The following SBF2 variants were observed in gnomAD, a reference collection of about 807,000 sequenced individuals.
SBF2 encodes the protein SET binding factor 2, also known as myotubularin-related protein 13.
In SBF2, 112 loss-of-function variants were observed where a neutral mutation model predicts 225.2. The ratio of observed to expected loss-of-function variants is 0.50; its 90% CI spans 0.43 to 0.58. The LOEUF (loss-of-function observed/expected upper bound fraction) is 0.58, where lower values mean the gene tolerates loss of function less well. Ranked by LOEUF, SBF2 falls within the 20% of genes least tolerant of loss-of-function variation. The pLI is 0.00. For synonymous variants in SBF2, 763 were observed against 773.3 expected, an observed-to-expected ratio of 0.99 and a Z score of 0.22; for missense variants, 1,996 against 2,206.2, an observed-to-expected ratio of 0.90 and a Z score of 1.91.
intron 2 of SBF2, among the ~76,000 whole-genome samples, chr11:10,120,253 T>C (rs888303546): frequency 3.3e-5 from 5 of 152,230 alleles, no homozygotes; most frequent in African/African-American, 1.2e-4. Flanking sequence ...TGTTATAGCA[T>C]GTAATAGGAT....
At chr11:10,025,812 G>A (rs1949032873) in intron 6 of SBF2, among the ~76,000 whole-genome samples, 1 of 152,100 alleles carries the variant, frequency 6.6e-6, no homozygotes, top group African/African-American at 2.4e-5. Context: ...TGTTGGCCAG[G>A]CTGGTCTCGA....
At chr11:9,791,426 A>AT (rs1237280786) in intron 33 of SBF2, among the ~76,000 whole-genome samples, 1 of 150,480 alleles carries the variant, frequency 6.6e-6, no homozygotes, top group African/African-American at 2.4e-5. Flanking sequence ...TTTATCAAAA[A>AT]AAAAAAAAAA....
At chr11:9,983,496 C>T (rs1267076635) in intron 13 of SBF2, among the ~76,000 whole-genome samples, 1 of 152,166 alleles carries the variant, frequency 6.6e-6, no homozygotes, top group Admixed American at 6.5e-5. Flanking sequence ...CCCTATCCAC[C>T]CTGGTAGCAG....
intron 25 of SBF2, among the ~76,000 whole-genome samples, chr11:9,841,697 T>C (rs1040273298): frequency 1.3e-5 from 2 of 152,122 alleles, no homozygotes; most frequent in African/African-American, 2.4e-5. Context: ...CATGCCTGGC[T>C]AAAATTTTGT....
intron 16 of SBF2, among the ~76,000 whole-genome samples, chr11:9,953,049 C>T (rs375516165): frequency 6.6e-6 from 1 of 152,132 alleles, no homozygotes; most frequent in African/African-American, 2.4e-5. Context: ...GAAGTCATAC[C>T]AAAAAGATTC....
At chr11:10,264,890 G>T (rs1216904920) in intron 1 of SBF2, among the ~76,000 whole-genome samples, 2 of 152,104 alleles carry the variant, frequency 1.3e-5, no homozygotes, top group Non-Finnish European at 2.9e-5. Flanking sequence ...CTTCATCCAT[G>T]TCCCTGCAAA....
chr11:10,300,266 T>A (rs1964582215), intron 1 of SBF2, among the ~76,000 whole-genome samples: 1 of 152,226 alleles, frequency 6.6e-6, no homozygotes, highest in Non-Finnish European at 1.5e-5. Context: ...CATTGGTGAT[T>A]ACTGTATGTT....
chr11:10,149,254 A>G (rs1056187040), intron 2 of SBF2: 8 of 152,194 alleles, frequency 5.3e-5, no homozygotes, highest in African/African-American at 1.7e-4. Context: ...TCTGACCATT[A>G]TATCAATGTG....
intron 2 of SBF2, among the ~76,000 whole-genome samples, chr11:10,093,317 C>A (rs895112581): frequency 1.0e-4 from 15 of 150,162 alleles, no homozygotes. Context: ...GCCCAGCCTA[C>A]AATTCATAAT....
intron 1 of SBF2, among the ~76,000 whole-genome samples, chr11:10,215,058 GT>G (rs1958079210): frequency 6.6e-6 from 1 of 152,166 alleles, no homozygotes; most frequent in Non-Finnish European, 1.5e-5. Flanking sequence ...GGAAGCTCCT[GT>G]AGAAGCTACA....
intron 17 of SBF2, among the ~76,000 whole-genome samples, chr11:9,887,949 T>G (rs1590338635): frequency 6.6e-6 from 1 of 152,310 alleles, no homozygotes; most frequent in East Asian, 1.9e-4. Context: ...ATTTACCAAT[T>G]AAAAGTGATG....
At chr11:10,205,171 T>C (rs1041463371) in intron 1 of SBF2, among the ~76,000 whole-genome samples, 6 of 151,984 alleles carry the variant, frequency 3.9e-5, no homozygotes, top group African/African-American at 1.4e-4. Context: ...GAACTTAAAA[T>C]AAAATTGAGT....
chr11:10,033,512 C>T (rs1271533695), intron 3 of SBF2, among the ~76,000 whole-genome samples: 1 of 151,984 alleles, frequency 6.6e-6, no homozygotes, highest in Non-Finnish European at 1.5e-5. Context: ...CTTTTTATTA[C>T]GATGTTGACT....
At chr11:10,191,782 C>G (rs1489546559) in intron 2 of SBF2, among the ~76,000 whole-genome samples, 3 of 152,150 alleles carry the variant, frequency 2.0e-5, no homozygotes, top group African/African-American at 7.2e-5. Context: ...TATCTATTTA[C>G]TAAGTAGTAA....
rs573665042 is a variant in SBF2 at position 10,221,126 on chromosome 11, T to C, written c.56-27139A>G. Among the ~76,000 whole-genome samples, 3 of 152,054 alleles carry C rather than the reference T, an allele frequency of 2.0e-5. No individual in the cohort carries two copies. The South Asian group carries it at 6.3e-4, about 32-fold the overall frequency. ...CCCTACTAGACTGTTACTTCCTTTT[T>C]TTTTTTTTTTTAATTGAGACTCGCT... On this transcript the variant is annotated intron_variant, in intron 1 of 39. Transcript: ENST00000256190.
chr11:10,300,590 C>G (rs1446680403), intron 1 of SBF2, among the ~76,000 whole-genome samples: 1 of 151,876 alleles, frequency 6.6e-6, no homozygotes, highest in Non-Finnish European at 1.5e-5. Context: ...CACAGGATCC[C>G]TATCTGGAGA....
intron 32 of SBF2, among the ~76,000 whole-genome samples, chr11:9,804,058 C>T (rs760580024): frequency 6.6e-6 from 1 of 152,038 alleles, no homozygotes; most frequent in Non-Finnish European, 1.5e-5. Context: ...CAGGAAAGGA[C>T]CCCAGGTCCT....
At chr11:9,874,379 T>C (rs1174542762) in intron 17 of SBF2, among the ~76,000 whole-genome samples, 1 of 152,078 alleles carries the variant, frequency 6.6e-6, no homozygotes, top group Admixed American at 6.6e-5. Flanking sequence ...TCTACTCAAC[T>C]TTTCCAGAGA....
At chr11:10,284,428 A>G (rs918389397) in intron 1 of SBF2, among the ~76,000 whole-genome samples, 2 of 151,974 alleles carry the variant, frequency 1.3e-5, no homozygotes, top group Admixed American at 6.6e-5. Context: ...CTCCTTTTTT[A>G]TAGCTTTTTC....
Sources: allele counts gnomAD v4.1 joint callset (sites outside exome capture counted in the v4.1 genomes callset), GRCh38; gene constraint gnomAD v4.1.1; transcripts MANE v1.5; gene names NCBI Gene and HGNC (gene_info 2026-07-23, HGNC 2026-07-21).